AKAP19: variants seen among roughly 807,000 people sequenced by gnomAD.
AKAP19 encodes the protein A-kinase anchoring protein 19.
At chr2:189,942,380 G>A in the AKAP19 span, among the ~76,000 whole-genome samples, 8 of 152,174 alleles carry the variant, frequency 5.3e-5, no homozygotes, top group East Asian at 9.6e-4. Context: ...GCAGATGCTA[G>A]CATTGTGCTT....
the AKAP19 span, among the ~76,000 whole-genome samples, chr2:190,047,752 G>A: frequency 6.6e-6 from 1 of 152,320 alleles, no homozygotes; most frequent in Middle Eastern, 3.4e-3. Flanking sequence ...AACAGTGGAA[G>A]AAAATGTTAT....
chr2:190,038,146 T>C, the AKAP19 span, among the ~76,000 whole-genome samples: 1 of 152,204 alleles, frequency 6.6e-6, no homozygotes, highest in Non-Finnish European at 1.5e-5. Context: ...GTTGACTGAG[T>C]GTCCTACAGG....
chr2:190,067,817 G>A, the AKAP19 span, among the ~76,000 whole-genome samples: 3 of 152,046 alleles, frequency 2.0e-5, no homozygotes, highest in Non-Finnish European at 4.4e-5. Flanking sequence ...CCCAAAATGG[G>A]AGCTCTAGTC....
At chr2:190,097,957 A>G in the AKAP19 span, among the ~76,000 whole-genome samples, 14 of 151,770 alleles carry the variant, frequency 9.2e-5, no homozygotes, top group African/African-American at 3.4e-4. Context: ...TTCTCATGAG[A>G]TTGCATATCA....
chr2:190,065,258 T>A, the AKAP19 span, among the ~76,000 whole-genome samples: 1 of 152,018 alleles, frequency 6.6e-6, no homozygotes, highest in Non-Finnish European at 1.5e-5. Context: ...AAAGCTGCAA[T>A]GGAAAGTAGC....
chr2:189,884,467 C>CT, the AKAP19 span, among the ~76,000 whole-genome samples: 2 of 151,984 alleles, frequency 1.3e-5, no homozygotes, highest in African/African-American at 4.8e-5. Context: ...TTTTCTTAGT[C>CT]AATAGCTGTT....
At chr2:189,927,450 A>G in the AKAP19 span, among the ~76,000 whole-genome samples, 1 of 152,236 alleles carries the variant, frequency 6.6e-6, no homozygotes, top group African/African-American at 2.4e-5. Context: ...AGTGAGAATA[A>G]TATTGATTTT....
chr2:190,031,754 A>G, the AKAP19 span, among the ~76,000 whole-genome samples: 6 of 152,216 alleles, frequency 3.9e-5, no homozygotes, highest in African/African-American at 1.4e-4. Context: ...ACCATATGAT[A>G]ACATGCTTAA....
At chr2:190,115,182 A>T in the AKAP19 span, among the ~76,000 whole-genome samples, 1 of 137,638 alleles carries the variant, frequency 7.3e-6, no homozygotes, top group Non-Finnish European at 1.6e-5. Context: ...GGGGAGAGAG[A>T]CAGAGAGAGA....
chr2:190,178,970 C>T, the AKAP19 span, among the ~76,000 whole-genome samples: 1 of 152,166 alleles, frequency 6.6e-6, no homozygotes, highest in African/African-American at 2.4e-5. This position sits in a 1 kb window ranked among gnomAD's most constrained non-coding sequence, Gnocchi z 6.3. Flanking sequence ...GAAGGAAGAG[C>T]ACAAGAAAAT....
At chr2:190,133,464 G>A in the AKAP19 span, among the ~76,000 whole-genome samples, 1 of 152,006 alleles carries the variant, frequency 6.6e-6, no homozygotes, top group South Asian at 2.1e-4. Context: ...TGTTATATAC[G>A]GTTGCTGGGA....
chr2:190,055,718 G>T, the AKAP19 span: 1 of 152,002 alleles, frequency 6.6e-6, no homozygotes, highest in Non-Finnish European at 1.5e-5. Flanking sequence ...AAAAAAATGT[G>T]AAAACACTTT....
At chr2:190,010,564 A>G in the AKAP19 span, among the ~76,000 whole-genome samples, 1 of 152,276 alleles carries the variant, frequency 6.6e-6, no homozygotes, top group Non-Finnish European at 1.5e-5. Flanking sequence ...CTTAAAATGC[A>G]TGTTTTTGTT....
chr2:189,916,404 C>T, the AKAP19 span, among the ~76,000 whole-genome samples: 25 of 149,942 alleles, frequency 1.7e-4, no homozygotes, highest in Non-Finnish European at 3.1e-4. Flanking sequence ...TCACTGCAAC[C>T]TCCACCTCCC....
At chr2:190,005,041 G>A in the AKAP19 span, among the ~76,000 whole-genome samples, 1 of 152,150 alleles carries the variant, frequency 6.6e-6, no homozygotes, top group African/African-American at 2.4e-5. Flanking sequence ...TCCTTCATAT[G>A]TCCAGATGTG....
chr2:189,982,842 A>G, the AKAP19 span, among the ~76,000 whole-genome samples: 1 of 151,878 alleles, frequency 6.6e-6, no homozygotes, highest in Non-Finnish European at 1.5e-5. Context: ...TGCTTGTTGT[A>G]GTGGTGTACT....
chr2:190,084,724 C>A, the AKAP19 span, among the ~76,000 whole-genome samples: 1 of 152,156 alleles, frequency 6.6e-6, no homozygotes, highest in Non-Finnish European at 1.5e-5. Context: ...CAGGAAGGGA[C>A]ACGGGAGTAC....
chr2:189,886,327 A>T, the AKAP19 span, among the ~76,000 whole-genome samples: 1 of 152,174 alleles, frequency 6.6e-6, no homozygotes, highest in Non-Finnish European at 1.5e-5. Context: ...ACTTTGATCC[A>T]TGTCATGTTT....
the AKAP19 span, chr2:190,056,935 A>C: frequency 1.6e-4 from 46 of 284,994 alleles, no homozygotes; most frequent in Non-Finnish European, 2.0e-4. Context: ...TTTAAAGCAT[A>C]CTCCTTTAAT....
Sources: allele counts gnomAD v4.1 joint callset (sites outside exome capture counted in the v4.1 genomes callset), GRCh38; gene constraint gnomAD v4.1.1; non-coding constraint Gnocchi (gnomAD v3.1); transcripts MANE v1.5; gene names NCBI Gene and HGNC (gene_info 2026-07-23, HGNC 2026-07-21).